The following CDH4 variants were observed in gnomAD, a reference collection of about 807,000 sequenced individuals.
CDH4 encodes the protein cadherin-4.
CDH4 carries 33 observed loss-of-function variants against 86.0 expected under a neutral mutation model. That is an observed-to-expected ratio of 0.38 (90% CI 0.29 to 0.51). The LOEUF (loss-of-function observed/expected upper bound fraction) is 0.51, where lower values mean the gene tolerates loss of function less well. Ranked by LOEUF, CDH4 falls within the 20% of genes least tolerant of loss-of-function variation. The pLI is 0.86. For synonymous variants in CDH4, 555 were observed against 549.4 expected (o/e 1.01, Z -0.14); for missense variants, 1,114 against 1,307.4 (o/e 0.85, Z 2.28).
chr20:61,745,796 C>T (rs1393046123), intron 3 of CDH4, among the ~76,000 whole-genome samples: 2 of 152,160 alleles, frequency 1.3e-5, no homozygotes, highest in South Asian at 2.1e-4. Flanking sequence ...CCCAAGTCCC[C>T]GATTGTGAGC....
chr20:61,739,638 A>G (rs999415620), intron 2 of CDH4, among the ~76,000 whole-genome samples: 2 of 152,198 alleles, frequency 1.3e-5, no homozygotes, highest in African/African-American at 2.4e-5. Context: ...CGGGTCCTGG[A>G]TGGGGCTGAG....
chr20:61,853,018 G>A, intron 6 of CDH4, 120 bp downstream of exon 6: 3 of 1,040,486 alleles, frequency 2.9e-6, no homozygotes, highest in Admixed American at 4.3e-5. Context: ...CGGGACTTGG[G>A]CGCAGACACA....
intron 2 of CDH4, among the ~76,000 whole-genome samples, chr20:61,373,006 C>T (rs1056108888): frequency 2.0e-5 from 3 of 152,244 alleles, no homozygotes; most frequent in South Asian, 2.1e-4. Context: ...TAGATGTTAA[C>T]GCTTTTATAA....
chr20:61,327,614 G>C (rs996930245), intron 2 of CDH4, among the ~76,000 whole-genome samples: 1 of 152,308 alleles, frequency 6.6e-6, no homozygotes, highest in African/African-American at 2.4e-5. Context: ...AGGCTGTAGG[G>C]AAATCGATTC....
chr20:61,674,239 C>T (rs969738009), intron 2 of CDH4, among the ~76,000 whole-genome samples: 5 of 152,188 alleles, frequency 3.3e-5, no homozygotes, highest in South Asian at 4.2e-4. Flanking sequence ...TCCCGTGGGG[C>T]GGAGAGACAC....
At chr20:61,751,457 G>A (rs2088494805) in intron 3 of CDH4, among the ~76,000 whole-genome samples, 1 of 152,224 alleles carries the variant, frequency 6.6e-6, no homozygotes, top group African/African-American at 2.4e-5. Flanking sequence ...GACATGTAAT[G>A]TGTTTAAAAA....
chr20:61,855,006 C>T (rs1241010768), intron 6 of CDH4, among the ~76,000 whole-genome samples: 18 of 100,168 alleles, frequency 1.8e-4, no homozygotes, highest in African/African-American at 4.0e-4. Flanking sequence ...GAATTGTGCC[C>T]TTGGCCCACC....
chr20:61,526,729 T>C (rs1568877973), intron 2 of CDH4, among the ~76,000 whole-genome samples: 1 of 148,870 alleles, frequency 6.7e-6, no homozygotes, highest in African/African-American at 2.5e-5. Flanking sequence ...ATATGAGTGA[T>C]GGGGAGACTG....
chr20:61,724,116 G>A (rs1600915368), intron 2 of CDH4, among the ~76,000 whole-genome samples: 1 of 145,494 alleles, frequency 6.9e-6, no homozygotes, highest in Non-Finnish European at 1.5e-5. Flanking sequence ...ACAGGATGGA[G>A]GCTCCATGTG....
intron 2 of CDH4, among the ~76,000 whole-genome samples, chr20:61,735,632 C>T (rs1375391406): frequency 6.6e-6 from 1 of 152,204 alleles, no homozygotes. Context: ...CCACATCTGC[C>T]CCCTCCGCTG....
chr20:61,928,762 G>C (rs886555719), intron 12 of CDH4, among the ~76,000 whole-genome samples: 8 of 152,226 alleles, frequency 5.3e-5, no homozygotes, highest in African/African-American at 1.9e-4. Context: ...TACTTCCCTG[G>C]ATGCAGATCT....
rs534350236 is a variant in CDH4 at position 61,882,556 on chromosome 20, C to T, written c.1050+8656C>T. On this transcript the variant is annotated intron_variant, in intron 7 of 15. Coordinates refer to ENST00000614565, the MANE Select transcript of CDH4 (RefSeq NM_001794.5). Reference sequence around the variant, plus strand: ...AGGAGGCCTGGGCTAAGGGAGTGACCACCCAGGGCTCTGAAGCCCCTGGCC... The same window carrying T: ...AGGAGGCCTGGGCTAAGGGAGTGACTACCCAGGGCTCTGAAGCCCCTGGCC... Among the ~76,000 whole-genome samples the T allele has an allele frequency of 8.7e-4, 133 of 152,328 alleles. 1 individual carries two copies. The highest frequency in any genetic ancestry group is 1.7e-3 in the Non-Finnish European group (118 of 68,018).
intron 2 of CDH4, among the ~76,000 whole-genome samples, chr20:61,485,304 G>A (rs2085589914): frequency 6.6e-6 from 1 of 152,196 alleles, no homozygotes; most frequent in African/African-American, 2.4e-5. Context: ...ACGCTTGGCT[G>A]GATTTGGGGT....
chr20:61,407,614 T>G (rs2145487189), intron 2 of CDH4, among the ~76,000 whole-genome samples: 1 of 152,320 alleles, frequency 6.6e-6, no homozygotes, highest in East Asian at 1.9e-4. Flanking sequence ...AACTGGGTAT[T>G]TTCCCCAGAG....
At chr20:61,365,639 C>T (rs2084807688) in intron 2 of CDH4, among the ~76,000 whole-genome samples, 2 of 152,076 alleles carry the variant, frequency 1.3e-5, no homozygotes, top group Non-Finnish European at 2.9e-5. Context: ...TGGGTCTGAA[C>T]CTGCCAGGGC....
At chr20:61,737,968 G>A (rs2088285727) in intron 2 of CDH4, among the ~76,000 whole-genome samples, 1 of 152,234 alleles carries the variant, frequency 6.6e-6, no homozygotes, top group African/African-American at 2.4e-5. Flanking sequence ...CTGGGCACAT[G>A]CATACCTGCC....
Position 61,454,842 on chromosome 20 carries a change from C to T in CDH4, c.169+199905C>T, listed in dbSNP as rs527912818. On this transcript the variant is annotated intron_variant, in intron 2 of 15. Transcript: ENST00000614565. ...AGCCTGTACCTGGTGTTCGTTTTCCCCACTACGGGGGGCAGTGGTGCAGGA... is the reference window on the plus strand; with the variant it reads ...AGCCTGTACCTGGTGTTCGTTTTCCTCACTACGGGGGGCAGTGGTGCAGGA... Among the ~76,000 whole-genome samples the T allele has an allele frequency of 1.3e-4, 20 of 152,258 alleles. No homozygotes were observed. In the South Asian group the frequency reaches 3.5e-3, roughly 27 times the overall value.
chr20:61,733,538 G>T (rs969570037), intron 2 of CDH4, among the ~76,000 whole-genome samples: 1 of 152,076 alleles, frequency 6.6e-6, no homozygotes, highest in Non-Finnish European at 1.5e-5. Flanking sequence ...CTTTGTTCGT[G>T]GGCCGGCTGC....
intron 4 of CDH4, among the ~76,000 whole-genome samples, chr20:61,841,920 A>G (rs773681373): frequency 1.1e-4 from 16 of 152,174 alleles, no homozygotes; most frequent in Non-Finnish European, 2.4e-4. Context: ...TTTTTCTATT[A>G]CGACATGAGA....
Sources: allele counts gnomAD v4.1 joint callset (sites outside exome capture counted in the v4.1 genomes callset), GRCh38; gene constraint gnomAD v4.1.1; transcripts MANE v1.5; gene names NCBI Gene and HGNC (gene_info 2026-07-23, HGNC 2026-07-21).